HTR2C: variants seen among roughly 807,000 people sequenced by gnomAD.
HTR2C encodes 5-hydroxytryptamine (serotonin) receptor 2C, G protein-coupled.
A neutral mutation model predicts 21.0 loss-of-function variants in HTR2C; 5 were observed. The ratio of observed to expected loss-of-function variants is 0.24; its 90% CI spans 0.12 to 0.50. The LOEUF is 0.50. Ranked by LOEUF, HTR2C falls within the 20% of genes least tolerant of loss-of-function variation. The pLI is 0.98. For synonymous variants in HTR2C, 150 were observed against 145.3 expected, an observed-to-expected ratio of 1.03 and a Z score of -0.23; for missense variants, 271 against 371.2, an observed-to-expected ratio of 0.73 and a Z score of 2.22.
intron 4 of HTR2C, among the ~76,000 whole-genome samples, chrX:114,737,566 C>G (rs1556424702): frequency 9.0e-6 from 1 of 110,759 alleles, no homozygotes; most frequent in African/African-American, 3.3e-5. Flanking sequence ...AAATTGCTAG[C>G]TAGTTTTAAC....
At chrX:114,665,250 G>T (rs1556410756) in intron 2 of HTR2C, among the ~76,000 whole-genome samples, 1 of 112,002 alleles carries the variant, frequency 8.9e-6, no homozygotes, top group Non-Finnish European at 1.9e-5. Flanking sequence ...AGGAAAAACT[G>T]ATCTGTTTCA....
At chrX:114,727,146 GA>G (rs370286271) in intron 3 of HTR2C, among the ~76,000 whole-genome samples, 175 bp downstream of exon 3, 169 of 110,240 alleles carry the variant, frequency 1.5e-3, no homozygotes, top group African/African-American at 4.6e-3. Context: ...ATAATTAATG[GA>G]AAAAAAAATT....
intron 2 of HTR2C, among the ~76,000 whole-genome samples, chrX:114,692,509 A>G (rs1932136216): frequency 9.0e-6 from 1 of 111,607 alleles, no homozygotes; most frequent in African/African-American, 3.2e-5. Flanking sequence ...GTATACATTT[A>G]TTAACTAGAG....
Position 114,766,336 on chromosome X carries a change from G to C in HTR2C, c.349+34729G>C, listed in dbSNP as rs1465891853. ...GTGTTAATTTCATATGTGCTTTTAT[G>C]TTCCTATGATCTTTATAATCAGTTT... is the stretch of plus-strand genomic sequence containing the variant. On this transcript the variant is annotated intron_variant, in intron 4 of 5. Coordinates refer to ENST00000276198, the MANE Select transcript of HTR2C (RefSeq NM_000868.4). Among the ~76,000 whole-genome samples the C allele has an allele frequency of 3.6e-5, 4 of 111,583 alleles. No individual in the cohort carries two copies. The East Asian group carries it at 1.1e-3, about 31-fold the overall frequency.
chrX:114,895,146 A>T (rs2071286867), intron 5 of HTR2C, among the ~76,000 whole-genome samples: 1 of 112,284 alleles, frequency 8.9e-6, no homozygotes, highest in Non-Finnish European at 1.9e-5. Flanking sequence ...GCATATAGAA[A>T]GTGTACATCC....
intron 2 of HTR2C, among the ~76,000 whole-genome samples, chrX:114,664,293 G>A (rs1556410616): frequency 9.0e-6 from 1 of 111,273 alleles, no homozygotes; most frequent in Non-Finnish European, 1.9e-5. Context: ...GTGCTATGGT[G>A]GTTTGCCGCA....
chrX:114,677,174 G>T (rs781879337), intron 2 of HTR2C, among the ~76,000 whole-genome samples: 1 of 111,637 alleles, frequency 9.0e-6, no homozygotes, highest in East Asian at 2.8e-4. Flanking sequence ...GGGTTTTACT[G>T]TGTGGTCAAT....
rs143442167 is a variant in HTR2C, at chrX:114,820,899, C to T, written c.350-27104C>T. ...GTATATCAATATCACTTTCTGGTTC[C>T]CCTTAGAACCCTCAGGAGTTTCTCT... On this transcript the variant is annotated intron_variant, in intron 4 of 5. Transcript: ENST00000276198. 1.2e-4 allele frequency among the ~76,000 whole-genome samples: 13 copies of T among 111,177 alleles called. No individual in the cohort carries two copies. The East Asian group carries it at 3.7e-3, about 32-fold the overall frequency.
chrX:114,709,469 T>C (rs1932859557), intron 2 of HTR2C, among the ~76,000 whole-genome samples: 1 of 112,246 alleles, frequency 8.9e-6, no homozygotes, highest in South Asian at 3.6e-4. Context: ...GTCATGGAAG[T>C]GTTAATTGTA....
chrX:114,754,680 A>G (rs1375811612), intron 4 of HTR2C, among the ~76,000 whole-genome samples: 2 of 106,914 alleles, frequency 1.9e-5, no homozygotes, highest in South Asian at 3.9e-4. Flanking sequence ...AAACTTTTAG[A>G]AAAAAAAAAC....
chrX:114,904,263 C>G (rs2071356822), intron 5 of HTR2C, among the ~76,000 whole-genome samples: 1 of 111,298 alleles, frequency 9.0e-6, no homozygotes, highest in Non-Finnish European at 1.9e-5. Flanking sequence ...TCAAAGATTA[C>G]AAAGGTAGAA....
intron 5 of HTR2C, among the ~76,000 whole-genome samples, chrX:114,875,805 G>C (rs984335741): frequency 9.2e-6 from 1 of 108,757 alleles, no homozygotes; most frequent in Non-Finnish European, 1.9e-5. Flanking sequence ...CTATAATATA[G>C]TTTGAAATAA....
At chrX:114,824,692 T>C (rs2147462667) in intron 4 of HTR2C, among the ~76,000 whole-genome samples, 1 of 112,243 alleles carries the variant, frequency 8.9e-6, no homozygotes, top group Non-Finnish European at 1.9e-5. Context: ...GGGATGAGTT[T>C]CTAGTCAACC....
At position 114,828,268 on chromosome X, in the gene HTR2C, A is replaced by T. The variant is rs1016591415; in HGVS notation, c.350-19735A>T. On this transcript the variant is annotated intron_variant, in intron 4 of 5. Transcript: ENST00000276198. Reference sequence around the variant, plus strand: ...CTTTTTTCAAATATTGTATTTTTTGAGCTCCAAGCTTTCAGTTGGTTCTTT... The same window carrying T: ...CTTTTTTCAAATATTGTATTTTTTGTGCTCCAAGCTTTCAGTTGGTTCTTT... Among the ~76,000 whole-genome samples, 5 of 110,588 alleles carry T rather than the reference A, an allele frequency of 4.5e-5. No individual in the cohort carries two copies. In the East Asian group the frequency reaches 1.4e-3, roughly 31 times the overall value.
chrX:114,855,119 T>C (rs906357865), intron 5 of HTR2C, among the ~76,000 whole-genome samples: 11 of 111,744 alleles, frequency 9.8e-5, no homozygotes, highest in Non-Finnish European at 2.1e-4. Context: ...ATAATTGCGG[T>C]CATTCTTATT....
At chrX:114,684,399 A>G (rs1406778675) in intron 2 of HTR2C, among the ~76,000 whole-genome samples, 1 of 112,184 alleles carries the variant, frequency 8.9e-6, no homozygotes, top group Non-Finnish European at 1.9e-5. Flanking sequence ...ACTTATTTTA[A>G]AAGAGGCATT....
At chrX:114,804,368 A>T (rs1386501073) in intron 4 of HTR2C, among the ~76,000 whole-genome samples, 1 of 112,008 alleles carries the variant, frequency 8.9e-6, no homozygotes, top group African/African-American at 3.2e-5. Context: ...AAGGTTGTTG[A>T]GATGACAAGA....
intron 5 of HTR2C, among the ~76,000 whole-genome samples, chrX:114,864,530 A>C (rs1308279219): frequency 9.0e-6 from 1 of 111,317 alleles, no homozygotes; most frequent in Non-Finnish European, 1.9e-5. Context: ...TGTGACTTTC[A>C]TCTTCATACT....
At chrX:114,642,989 A>G (rs1335568833) in intron 2 of HTR2C, among the ~76,000 whole-genome samples, 8 of 111,319 alleles carry the variant, frequency 7.2e-5, no homozygotes, top group Middle Eastern at 4.7e-3. Flanking sequence ...AAAATTCAAC[A>G]ATGAATTTTG....
Sources: gnomAD v4.1 joint callset for allele counts (sites outside exome capture counted in the v4.1 genomes callset) on GRCh38, gnomAD v4.1.1 for gene constraint, MANE v1.5 for transcripts, NCBI Gene and HGNC (gene_info 2026-07-23, HGNC 2026-07-21) for gene names.